Variants in PRKN observed in about 807,000 individuals in gnomAD.
PRKN encodes the protein parkin RBR E3 ubiquitin protein ligase.
Under a neutral mutation model 59.5 loss-of-function variants are expected in PRKN, and 56 were observed. That is an observed-to-expected ratio of 0.94 (90% CI 0.76 to 1.18). The LOEUF is 1.18. Among genes scored for constraint, PRKN ranks in the 50% most tolerant of loss-of-function variants. The pLI is 0.00. For synonymous variants in PRKN, 250 were observed against 222.1 expected, an observed-to-expected ratio of 1.13 and a Z score of -1.12; for missense variants, 657 against 596.4, an observed-to-expected ratio of 1.10 and a Z score of -1.06.
intron 7 of PRKN, among the ~76,000 whole-genome samples, chr6:161,667,601 T>C (rs555530081): frequency 7.2e-5 from 11 of 152,364 alleles, no homozygotes; most frequent in African/African-American, 2.6e-4. Flanking sequence ...GGTCAAGAGC[T>C]GGTTTTATCA....
rs1032476380 is a variant in PRKN at position 161,826,502 on chromosome 6, T to C, written c.735-40594A>G. Among the ~76,000 whole-genome samples the C allele has an allele frequency of 7.2e-5, 11 of 152,142 alleles. 1 individual carries two copies. Among genetic ancestry groups the C allele is most frequent in the Admixed American group, 7.2e-4 (11 of 15,270 alleles). On this transcript the variant is annotated intron_variant, in intron 6 of 11. Coordinates refer to ENST00000366898, the MANE Select transcript of PRKN (RefSeq NM_004562.3). The stretch of plus-strand genomic sequence containing the variant: ...ACCCATTAATGTACAAATGCAAAAG[T>C]GAAGGTTTCTAAAAGTTCTATTTGT...
intron 9 of PRKN, among the ~76,000 whole-genome samples, chr6:161,516,467 T>TAAAA (rs376373455): frequency 8.6e-5 from 2 of 23,146 alleles, no homozygotes; most frequent in Non-Finnish European, 1.5e-4. Flanking sequence ...AGGCTCCTTC[T>TAAAA]AAAAAAAAAA....
At chr6:162,587,206 G>A (rs1350136400) in intron 1 of PRKN, among the ~76,000 whole-genome samples, 1 of 152,034 alleles carries the variant, frequency 6.6e-6, no homozygotes, top group African/African-American at 2.4e-5. Context: ...GCGCAATCTC[G>A]GCTCATTCAA....
chr6:161,841,565 G>A (rs1440724415), intron 6 of PRKN, among the ~76,000 whole-genome samples: 3 of 152,012 alleles, frequency 2.0e-5, no homozygotes, highest in African/African-American at 7.2e-5. Context: ...GGCCAGGCTG[G>A]TCTCGAACTC....
chr6:162,012,252 T>C (rs1347140967), intron 5 of PRKN, among the ~76,000 whole-genome samples: 2 of 152,156 alleles, frequency 1.3e-5, no homozygotes, highest in Non-Finnish European at 2.9e-5. Context: ...AAAGAACTCT[T>C]ACATATTCTT....
intron 6 of PRKN, among the ~76,000 whole-genome samples, chr6:161,809,241 A>G (rs1012303327): frequency 6.6e-6 from 1 of 152,144 alleles, no homozygotes; most frequent in African/African-American, 2.4e-5. Flanking sequence ...CCCACACATC[A>G]ACAGTCCTCA....
At chr6:162,107,840 A>G (rs1190835951) in intron 4 of PRKN, among the ~76,000 whole-genome samples, 2 of 151,988 alleles carry the variant, frequency 1.3e-5, no homozygotes, top group African/African-American at 2.4e-5. Flanking sequence ...CCTATTTCTT[A>G]CTCCCAAGTT....
chr6:162,222,939 T>C lies in PRKN; in HGVS notation c.413-21687A>G, dbSNP rs555784752. On this transcript the variant is annotated intron_variant, in intron 3 of 11. Transcript: ENST00000366898. ...ATATGTCATATGTATACATGTGCCA[T>C]GCTGGTGTGCTGCACCCATTAACTC... is the stretch of plus-strand genomic sequence containing the variant. Among the ~76,000 whole-genome samples the C allele has an allele frequency of 5.2e-4, 79 of 152,052 alleles. 1 individual carries two copies. Among genetic ancestry groups the C allele is most frequent in the Admixed American group, 1.3e-3 (20 of 15,254 alleles).
At chr6:162,461,491 A>C (rs1791161742) in intron 1 of PRKN, among the ~76,000 whole-genome samples, 1 of 106,910 alleles carries the variant, frequency 9.4e-6, no homozygotes, top group Non-Finnish European at 1.9e-5. Context: ...GACAGAGTTA[A>C]AGTGTCTCAA....
intron 1 of PRKN, among the ~76,000 whole-genome samples, chr6:162,548,367 T>G (rs974708733): frequency 3.3e-5 from 5 of 152,178 alleles, no homozygotes; most frequent in Admixed American, 3.3e-4. Flanking sequence ...CTCTCTCTGA[T>G]AGTTTTTTAA....
At chr6:162,484,347 T>G (rs1280368617) in intron 1 of PRKN, among the ~76,000 whole-genome samples, 1 of 152,050 alleles carries the variant, frequency 6.6e-6, no homozygotes, top group Non-Finnish European at 1.5e-5. Context: ...GGAATGGTGG[T>G]AGCAAAACAG....
intron 4 of PRKN, among the ~76,000 whole-genome samples, chr6:162,080,515 G>C (rs1779012628): frequency 6.6e-6 from 1 of 152,086 alleles, no homozygotes; most frequent in African/African-American, 2.4e-5. Flanking sequence ...CAAAAAGTAT[G>C]CTTGCACTAT....
At chr6:162,012,627 G>A (rs1322092338) in intron 5 of PRKN, among the ~76,000 whole-genome samples, 1 of 151,956 alleles carries the variant, frequency 6.6e-6, no homozygotes, top group Non-Finnish European at 1.5e-5. Context: ...TTACCTTATT[G>A]AGCAAATCTG....
At chr6:161,366,725 C>A (rs1299394914) in intron 10 of PRKN, among the ~76,000 whole-genome samples, 1 of 152,080 alleles carries the variant, frequency 6.6e-6, no homozygotes, top group African/African-American at 2.4e-5. Flanking sequence ...GCTGAGTGTT[C>A]AAACTGTGTT....
intron 6 of PRKN, among the ~76,000 whole-genome samples, chr6:161,938,115 C>T (rs183269276): frequency 2.7e-3 from 409 of 152,278 alleles, no homozygotes; most frequent in Non-Finnish European, 4.6e-3. Context: ...TATAAAGCAT[C>T]ACATTTGAGA....
intron 7 of PRKN, among the ~76,000 whole-genome samples, chr6:161,763,509 C>T (rs1054702376): frequency 7.9e-5 from 12 of 151,988 alleles, no homozygotes; most frequent in African/African-American, 1.9e-4. Flanking sequence ...TGACGAAGAG[C>T]GGAGCAGTGT....
chr6:162,260,966 A>T (rs1230531587), intron 3 of PRKN, among the ~76,000 whole-genome samples: 3 of 152,102 alleles, frequency 2.0e-5, no homozygotes, highest in African/African-American at 7.2e-5. Flanking sequence ...ACACTGGGGG[A>T]TTTGAAACGT....
At chr6:161,878,488 A>G (rs565778878) in intron 6 of PRKN, among the ~76,000 whole-genome samples, 2 of 152,148 alleles carry the variant, frequency 1.3e-5, no homozygotes, top group Non-Finnish European at 2.9e-5. Flanking sequence ...GAAATCGCAC[A>G]GTACGAATTA....
At chr6:162,592,282 C>A (rs1293807280) in intron 1 of PRKN, among the ~76,000 whole-genome samples, 1 of 152,190 alleles carries the variant, frequency 6.6e-6, no homozygotes, top group Non-Finnish European at 1.5e-5. Context: ...TGAGCCACTG[C>A]AGCTGGCCCA....
Sources: allele counts gnomAD v4.1 joint callset (sites outside exome capture counted in the v4.1 genomes callset), GRCh38; gene constraint gnomAD v4.1.1; transcripts MANE v1.5; gene names NCBI Gene and HGNC (gene_info 2026-07-23, HGNC 2026-07-21).